LY96: variants seen among roughly 807,000 people sequenced by gnomAD.
LY96 encodes myeloid differentiation protein-2.
A neutral mutation model predicts 18.9 loss-of-function variants in LY96; 18 were observed. The ratio of observed to expected loss-of-function variants is 0.95; its 90% confidence interval spans 0.66 to 1.41. LY96 has a LOEUF of 1.41. LY96 is among the 40% of genes most tolerant of loss of function. The pLI is 0.00. For missense variants in LY96, 175 were observed against 182.4 expected, an observed-to-expected ratio of 0.96 and a Z score of 0.23; for synonymous variants, 66 against 62.6, an observed-to-expected ratio of 1.06 and a Z score of -0.26.
Position 74,004,837 on chromosome 8 carries a change from A to T in LY96, c.154A>T (p.Ile52Leu). The T allele has an allele frequency of 6.3e-7, 1 of 1,588,524 alleles. No individual in the cohort carries two copies. Among genetic ancestry groups the T allele is most frequent in the Non-Finnish European group, 8.6e-7 (1 of 1,159,010 alleles). ...YPISINVNPC[I>L]ELKRSKGLLH... ...AATTTCAATTAATGTTAACCCCTGT[A>T]TAGAATTGAAAAGATCCAAAGGATT... is the stretch of plus-strand genomic sequence containing the variant. Residue 52 changes from isoleucine to leucine, a missense_variant, in exon 2 of 5, where the codon ATA becomes TTA. Physicochemically the swap from Ile to Leu is conservative, Grantham distance 5. Coordinates refer to ENST00000284818, the MANE Select transcript of LY96 (RefSeq NM_015364.5).
At chr8:74,028,302 A>ATTTTTTTCCGCTTCATT (rs1816910700) in intron 4 of LY96, among the ~76,000 whole-genome samples, 1 of 151,960 alleles carries the variant, frequency 6.6e-6, no homozygotes, top group Admixed American at 6.6e-5. Flanking sequence ...AAAACATAGC[A>ATTTTTTTCCGCTTCATT]TTTTTTTCCG....
At chr8:74,086,876 G>A in the LY96 span, among the ~76,000 whole-genome samples, 8 of 152,210 alleles carry the variant, frequency 5.3e-5, no homozygotes, top group South Asian at 4.1e-4. Flanking sequence ...CTCGCTAGAC[G>A]TTGAATCTGC....
At chr8:74,030,555 C>T (rs946596820), downstream of LY96, among the ~76,000 whole-genome samples, 2 of 152,070 alleles carry the variant, frequency 1.3e-5, no homozygotes, top group African/African-American at 4.8e-5. Context: ...CTTGGAGACC[C>T]CTCTCTCTAT....
At chr8:74,031,316 ATG>A (rs1238180540), downstream of LY96, among the ~76,000 whole-genome samples, 2 of 152,188 alleles carry the variant, frequency 1.3e-5, no homozygotes, top group African/African-American at 4.8e-5. Flanking sequence ...AGACACAAGG[ATG>A]TGTTTTTTGC....
chr8:74,023,283 T>G (rs1816806773), intron 3 of LY96, among the ~76,000 whole-genome samples: 1 of 152,032 alleles, frequency 6.6e-6, no homozygotes, highest in Non-Finnish European at 1.5e-5. Flanking sequence ...GTATCTTGGG[T>G]GGGCATGACA....
the LY96 span, among the ~76,000 whole-genome samples, chr8:74,070,182 C>T: frequency 1.3e-5 from 2 of 151,970 alleles, no homozygotes; most frequent in African/African-American, 4.8e-5. Flanking sequence ...AGCTCCGCCT[C>T]CCAGGTTCAG....
intron 1 of LY96, among the ~76,000 whole-genome samples, chr8:73,991,839 C>T (rs181210086): frequency 6.6e-6 from 1 of 152,064 alleles, no homozygotes; most frequent in East Asian, 1.9e-4. Flanking sequence ...TTTGGTTCTG[C>T]CCATTTTTAA....
At chr8:74,008,371 G>T (rs1816458936) in intron 2 of LY96, among the ~76,000 whole-genome samples, 1 of 152,168 alleles carries the variant, frequency 6.6e-6, no homozygotes, top group African/African-American at 2.4e-5. Flanking sequence ...TTATGAAAAT[G>T]GTCTTTCAAC....
the LY96 span, among the ~76,000 whole-genome samples, chr8:74,075,505 A>G: frequency 1.3e-5 from 2 of 152,208 alleles, no homozygotes; most frequent in Admixed American, 6.5e-5. Flanking sequence ...TCCTGGCTTC[A>G]AGCGATCCTC....
intron 1 of LY96, among the ~76,000 whole-genome samples, chr8:74,000,883 C>T (rs973131185): frequency 6.6e-6 from 1 of 152,172 alleles, no homozygotes; most frequent in East Asian, 1.9e-4. Flanking sequence ...GGGCACTTGT[C>T]AGGGGTGGGG....
At chr8:74,060,184 G>A in the LY96 span, among the ~76,000 whole-genome samples, 13 of 152,042 alleles carry the variant, frequency 8.6e-5, no homozygotes, top group Non-Finnish European at 1.8e-4. Flanking sequence ...CGACGACAAC[G>A]AAAAACTTCC....
At chr8:74,029,241 G>A (rs180802995), downstream of LY96, among the ~76,000 whole-genome samples, 42 of 152,320 alleles carry the variant, frequency 2.8e-4, no homozygotes, top group South Asian at 6.0e-3. Flanking sequence ...ACCTGGGGAA[G>A]CACCAGTGTC....
In LY96 at chr8:73,991,477, C is replaced by G. The variant is rs141631661; in HGVS notation, c.35C>G (p.Ser12Cys). 1.5e-5 allele frequency: 24 copies of G among 1,612,654 alleles called. No homozygotes were observed. The African/African-American group carries it at 2.3e-4, about 15-fold the overall frequency. ...TTTCTGTTTTTTTCCACCCTGTTTT[C>G]TTCCATATTTACTGAAGCTCAGAAG... The part of the protein sequence containing the change: ...LPFLFFSTLF[S>C]SIFTEAQKQY... The change falls in exon 1 of 5, where the codon TCT (serine) becomes TGT (cysteine). Residue 12 changes from serine (S) to cysteine (C), a missense_variant. Transcript: ENST00000284818.
At chr8:74,085,770 G>A in the LY96 span, among the ~76,000 whole-genome samples, 1 of 152,172 alleles carries the variant, frequency 6.6e-6, no homozygotes, top group Middle Eastern at 3.4e-3. Flanking sequence ...AAATAAAATT[G>A]TGAAAGTTTG....
chr8:74,041,685 C>T, the LY96 span, among the ~76,000 whole-genome samples: 1 of 152,082 alleles, frequency 6.6e-6, no homozygotes, highest in Non-Finnish European at 1.5e-5. Flanking sequence ...GCAGTATCCT[C>T]AGGCTTATTA....
At chr8:74,081,089 C>CTTTCTTTCTTTT in the LY96 span, among the ~76,000 whole-genome samples, 5 of 108,730 alleles carry the variant, frequency 4.6e-5, no homozygotes, top group Non-Finnish European at 8.9e-5. Flanking sequence ...CTCTTTCTCT[C>CTTTCTTTCTTTT]TTTCTTTCTT....
At chr8:74,020,489 A>G (rs562999227) in intron 3 of LY96, among the ~76,000 whole-genome samples, 14 of 152,338 alleles carry the variant, frequency 9.2e-5, no homozygotes, top group African/African-American at 3.1e-4. Context: ...AAATGGCCAT[A>G]CTGCCCAAGG....
chr8:74,004,599 G>A (rs1472783630), intron 1 of LY96, among the ~76,000 whole-genome samples, 197 bp from the exon 2 acceptor site: 1 of 152,106 alleles, frequency 6.6e-6, no homozygotes, highest in African/African-American at 2.4e-5. Context: ...TGTTAGTGGA[G>A]GCAAGAAGAG....
chr8:73,995,663 G>T (rs956810858), intron 1 of LY96, among the ~76,000 whole-genome samples: 5 of 152,070 alleles, frequency 3.3e-5, no homozygotes. Flanking sequence ...GTGTGAGTTG[G>T]TTCCTAGGAT....
Sources: allele counts gnomAD v4.1 joint callset (sites outside exome capture counted in the v4.1 genomes callset), GRCh38; gene constraint gnomAD v4.1.1; transcripts MANE v1.5; gene names NCBI Gene and HGNC (gene_info 2026-07-23, HGNC 2026-07-21).